Variants in GRK1 observed in about 807,000 individuals in gnomAD.
The protein encoded by GRK1 is G protein-coupled receptor kinase 1.
GRK1 carries 28 observed loss-of-function variants against 41.7 expected under a neutral mutation model. That is an observed-to-expected ratio of 0.67 (90% CI 0.50 to 0.92). The LOEUF (loss-of-function observed/expected upper bound fraction) is 0.92, where lower values mean the gene tolerates loss of function less well. GRK1 is among the 40% of genes least tolerant of loss of function. GRK1 has a pLI of 0.00. For synonymous variants in GRK1, 327 were observed against 286.7 expected (o/e 1.14, Z -1.42); for missense variants, 703 against 671.2 (o/e 1.05, Z -0.52).
At chr13:113,729,508 C>T (rs1029485705) in intron 4 of GRK1, among the ~76,000 whole-genome samples, 8 of 152,182 alleles carry the variant, frequency 5.3e-5, no homozygotes, top group African/African-American at 1.4e-4. Context: ...AGGGTGTGAG[C>T]GGCAGCGTCA....
In GRK1 at chr13:113,731,081, G is replaced by T. The variant is rs748459979; in HGVS notation, c.1070-138G>T. The T allele has an allele frequency of 3.1e-6, 4 of 1,293,536 alleles. No individual in the cohort carries two copies. In the Admixed American group the frequency reaches 1.0e-4, roughly 33 times the overall value. The allele number at this position is 1,293,536 out of a possible 1,614,324, so 80.1% of individuals were successfully genotyped here. On this transcript the variant is annotated intron_variant, in intron 4 of 6. Transcript: ENST00000335678. This position sits in a 1 kb window ranked among gnomAD's most constrained non-coding sequence, Gnocchi z 5.6. ...CACACAGGGCAGCCCCTCCACAAAG[G>T]ATTTTCTGGCCCCAAATGTGGAGAG...
the GRK1 span, chr13:113,650,556 C>A: frequency 1.3e-6 from 2 of 1,503,784 alleles, no homozygotes; most frequent in South Asian, 1.2e-5. The surrounding 1 kb of genome is among the most constrained non-coding windows in gnomAD (Gnocchi z 5.0). Context: ...TGGTGTGTGC[C>A]GGTGTCTGTG....
At chr13:113,728,405 A>C (rs2049909380) in intron 4 of GRK1, among the ~76,000 whole-genome samples, 1 of 144,702 alleles carries the variant, frequency 6.9e-6, no homozygotes, top group South Asian at 2.2e-4. Flanking sequence ...GATGAGGAGT[A>C]CCCATGGTGA....
intron 2 of GRK1, among the ~76,000 whole-genome samples, chr13:113,670,155 A>AC: frequency 6.6e-6 from 1 of 152,226 alleles, no homozygotes. Context: ...CAGGAGGGTA[A>AC]ATGAAGACGA....
the GRK1 span, chr13:113,651,792 C>A: frequency 1.3e-6 from 2 of 1,572,134 alleles, no homozygotes; most frequent in Non-Finnish European, 1.7e-6. Flanking sequence ...TGCACGGCAC[C>A]CACCCATGGA....
At chr13:113,656,054 G>A in the GRK1 span, among the ~76,000 whole-genome samples, 1 of 152,234 alleles carries the variant, frequency 6.6e-6, no homozygotes, top group Admixed American at 6.5e-5. Flanking sequence ...GGCGTCCCTG[G>A]TGACGGCGTT....
In GRK1 at chr13:113,725,182, G is replaced by A. The variant is rs530719161; in HGVS notation, c.1069+2025G>A. On this transcript the variant is annotated intron_variant, in intron 4 of 6. Transcript: ENST00000335678. ...TCCTGGCACCCTCGCGCCCTCCCAC[G>A]CGCCCCCCACGCAGCGAGAGACACC... 5.7e-4 allele frequency among the ~76,000 whole-genome samples: 59 copies of A among 103,822 alleles called. 1 individual carries two copies. Among genetic ancestry groups the A allele is most frequent in the East Asian group, 5.6e-3 (25 of 4,502 alleles). The allele number at this position is 103,822 out of a possible 152,430, so 68.1% of individuals were successfully genotyped here.
Position 113,669,759 on chromosome 13 carries a change from G to A in GRK1, c.772G>A (p.Glu258Lys). Reference sequence around the variant, plus strand: ...CATCGTGTCTCTGGCCTATGCGTTTGAAACCAAAGCCGACCTCTGTCTGGT... The same window carrying A: ...CATCGTGTCTCTGGCCTATGCGTTTAAAACCAAAGCCGACCTCTGTCTGGT... The part of the protein sequence containing the change: ...RFIVSLAYAF[E>K]TKADLCLVMT... Residue 258 changes from glutamate to lysine, a missense_variant, in exon 2 of 7, where the codon GAA becomes AAA. By Grantham distance (56) the Glu-to-Lys change is moderately conservative. Coordinates refer to ENST00000335678, the MANE Select transcript of GRK1 (RefSeq NM_002929.3). The A allele has an allele frequency of 6.2e-7, 1 of 1,614,008 alleles. No individual in the cohort carries two copies.
chr13:113,669,474 G>A (rs183839736), intron 1 of GRK1, among the ~76,000 whole-genome samples: 41 of 152,352 alleles, frequency 2.7e-4, no homozygotes, highest in Non-Finnish European at 5.0e-4. Flanking sequence ...TCCCCTGTAT[G>A]TGAAGGAATT....
intron 5 of GRK1, among the ~76,000 whole-genome samples, chr13:113,732,373 C>T (rs2049943465): frequency 6.6e-6 from 1 of 152,194 alleles, no homozygotes; most frequent in Non-Finnish European, 1.5e-5. Flanking sequence ...GGACGTGGCA[C>T]AGGCGTGGGC....
the GRK1 span, among the ~76,000 whole-genome samples, chr13:113,660,577 A>G: frequency 1.3e-5 from 2 of 152,260 alleles, no homozygotes; most frequent in Non-Finnish European, 2.9e-5. Context: ...AGATGAATTA[A>G]TACAAAGCTG....
At chr13:113,733,937 CGTGTGTGCGTGTGTGTGCATACGT>C (rs1307886367) in intron 6 of GRK1, among the ~76,000 whole-genome samples, 11 of 95,738 alleles carry the variant, frequency 1.1e-4, no homozygotes, top group Admixed American at 3.3e-4. Context: ...TGTGTGCATA[CGTGTGTGCGTGTGTGTGCATACGT>C]GTGTGTGCGT....
the GRK1 span, among the ~76,000 whole-genome samples, chr13:113,658,760 A>G: frequency 6.6e-6 from 1 of 152,192 alleles, no homozygotes; most frequent in Non-Finnish European, 1.5e-5. Flanking sequence ...CAGAGCAGCA[A>G]TAGCCTCTTA....
Position 113,671,781 on chromosome 13 carries a change from C to G in GRK1, c.985+125C>G, listed in dbSNP as rs1339333447. 6.0e-6 allele frequency: 4 copies of G among 669,300 alleles called. No individual in the cohort carries two copies. The highest frequency in any genetic ancestry group is 1.1e-5 in the Non-Finnish European group (4 of 366,150). The allele number at this position is 669,300 out of a possible 1,614,324, so 41.5% of individuals were successfully genotyped here. On this transcript the variant is annotated intron_variant, in intron 3 of 6. Coordinates refer to ENST00000335678, the MANE Select transcript of GRK1 (RefSeq NM_002929.3). The surrounding 1 kb of genome is among the most constrained non-coding windows in gnomAD (Gnocchi z 4.1). ...TGTGGACGGTGGGGGTTCATGAGGG[C>G]TGACGGCTTCGTGGACGGTGGAGGT...
At chr13:113,655,086 C>T in the GRK1 span, 14 of 1,159,724 alleles carry the variant, frequency 1.2e-5, no homozygotes, top group Middle Eastern at 2.9e-4. Context: ...ACAGAAACCC[C>T]GTCCCCACAA....
the GRK1 span, chr13:113,651,672 AG>A: frequency 6.2e-6 from 10 of 1,612,378 alleles, no homozygotes; most frequent in Non-Finnish European, 8.5e-6. Context: ...CGTACTCACC[AG>A]GAAGGCGCAG....
chr13:113,651,931 TC>T, the GRK1 span, among the ~76,000 whole-genome samples: 2 of 151,594 alleles, frequency 1.3e-5, no homozygotes, highest in Non-Finnish European at 1.5e-5. Flanking sequence ...GCCACAGCCC[TC>T]CCCCCACCCA....
At chr13:113,650,009 G>T in the GRK1 span, among the ~76,000 whole-genome samples, 1 of 151,950 alleles carries the variant, frequency 6.6e-6, no homozygotes, top group African/African-American at 2.4e-5. This position sits in a 1 kb window ranked among gnomAD's most constrained non-coding sequence, Gnocchi z 5.0. Flanking sequence ...TAAAAAATAC[G>T]AAAATTAGCT....
intron 4 of GRK1, among the ~76,000 whole-genome samples, chr13:113,727,269 C>T (rs1176910739): frequency 6.6e-6 from 1 of 152,248 alleles, no homozygotes; most frequent in Non-Finnish European, 1.5e-5. Flanking sequence ...GGGCCCAGAG[C>T]TCATGGCTGC....
Sources: allele counts gnomAD v4.1 joint callset (sites outside exome capture counted in the v4.1 genomes callset), GRCh38; gene constraint gnomAD v4.1.1; non-coding constraint Gnocchi (gnomAD v3.1); transcripts MANE v1.5; gene names NCBI Gene and HGNC (gene_info 2026-07-23, HGNC 2026-07-21).